CALN1: variants seen among roughly 807,000 people sequenced by gnomAD.
CALN1 encodes calneuron 1, also known as calcium-binding protein 8.
CALN1 carries 17 observed loss-of-function variants against 30.6 expected under a neutral mutation model. That is an observed-to-expected ratio of 0.56 (90% CI 0.38 to 0.83). The LOEUF is 0.83. Among genes scored for constraint, CALN1 ranks in the 40% least tolerant of loss-of-function variants. The pLI is 0.00. For missense variants in CALN1, 291 were observed against 354.9 expected, an observed-to-expected ratio of 0.82 and a Z score of 1.45; for synonymous variants, 156 against 131.4, an observed-to-expected ratio of 1.19 and a Z score of -1.28.
chr7:72,346,918 G>A (rs1483667179), intron 2 of CALN1, among the ~76,000 whole-genome samples: 17 of 152,192 alleles, frequency 1.1e-4, no homozygotes. Context: ...ATTGGACACA[G>A]TAGAAGAGAT....
intron 3 of CALN1, among the ~76,000 whole-genome samples, chr7:72,125,910 C>G (rs1162253551): frequency 6.7e-6 from 1 of 150,276 alleles, no homozygotes; most frequent in East Asian, 2.0e-4. Flanking sequence ...TCAAGCGATT[C>G]TCCTCCCTCA....
At chr7:72,310,335 T>C (rs905819170) in intron 2 of CALN1, among the ~76,000 whole-genome samples, 2 of 150,192 alleles carry the variant, frequency 1.3e-5, no homozygotes, top group African/African-American at 4.9e-5. Context: ...AAGATACTTA[T>C]CACAGAGGCT....
At chr7:71,906,751 T>C (rs1327646314) in intron 5 of CALN1, among the ~76,000 whole-genome samples, 1 of 152,160 alleles carries the variant, frequency 6.6e-6, no homozygotes, top group Non-Finnish European at 1.5e-5. Context: ...GAAATAGATC[T>C]GGCATCCAGA....
intron 5 of CALN1, among the ~76,000 whole-genome samples, chr7:71,948,823 C>T (rs1787285286): frequency 1.3e-5 from 2 of 151,462 alleles, no homozygotes; most frequent in African/African-American, 4.8e-5. Flanking sequence ...GGGATGACTG[C>T]TTGAACCCAG....
chr7:72,333,593 G>A (rs1018661591), intron 2 of CALN1, among the ~76,000 whole-genome samples: 1 of 151,698 alleles, frequency 6.6e-6, no homozygotes, highest in Non-Finnish European at 1.5e-5. Flanking sequence ...ACTGCTTAAT[G>A]GTTCTCAATC....
At chr7:71,969,626 T>C (rs563008338) in intron 5 of CALN1, among the ~76,000 whole-genome samples, 5 of 152,276 alleles carry the variant, frequency 3.3e-5, no homozygotes, top group African/African-American at 4.8e-5. Flanking sequence ...GATCTGAACA[T>C]AGCATTATCA....
At chr7:72,193,192 AAAAAG>A (rs67566586) in intron 3 of CALN1, among the ~76,000 whole-genome samples, 74,022 of 149,506 alleles carry the variant, frequency 0.5, 21,616 homozygotes, top group Non-Finnish European at 0.68. Flanking sequence ...CATCTCAAAA[AAAAAG>A]AAAAGAGAAA....
At chr7:72,081,451 CTT>C (rs1805139869) in intron 4 of CALN1, among the ~76,000 whole-genome samples, 2 of 47,230 alleles carry the variant, frequency 4.2e-5, no homozygotes, top group Admixed American at 5.0e-4. Flanking sequence ...TGTTTTTTTT[CTT>C]TGAGACAGAA....
intron 4 of CALN1, among the ~76,000 whole-genome samples, chr7:72,027,795 C>T (rs1366794714): frequency 2.0e-5 from 3 of 150,332 alleles, no homozygotes; most frequent in South Asian, 4.3e-4. Flanking sequence ...CGGTGGCTCA[C>T]GCCTGTAATC....
At chr7:72,289,728 A>T (rs1798343650) in intron 2 of CALN1, among the ~76,000 whole-genome samples, 1 of 152,184 alleles carries the variant, frequency 6.6e-6, no homozygotes, top group Non-Finnish European at 1.5e-5. Flanking sequence ...TTAGGAAGTG[A>T]TGAATTTTAA....
At chr7:72,271,420 TTC>T (rs1271607177) in intron 3 of CALN1, among the ~76,000 whole-genome samples, 2 of 151,624 alleles carry the variant, frequency 1.3e-5, no homozygotes, top group Admixed American at 6.6e-5. Flanking sequence ...CTTATAATAT[TTC>T]TTTTTGTTTT....
At chr7:72,364,516 T>C (rs552115505) in intron 2 of CALN1, among the ~76,000 whole-genome samples, 1 of 152,316 alleles carries the variant, frequency 6.6e-6, no homozygotes, top group East Asian at 1.9e-4. Context: ...GAGTTTTGTG[T>C]CTCTCTCTCT....
intron 3 of CALN1, among the ~76,000 whole-genome samples, chr7:72,107,586 T>C (rs958551873): frequency 2.0e-5 from 3 of 152,136 alleles, no homozygotes; most frequent in Non-Finnish European, 4.4e-5. Context: ...AGTCCTGGAT[T>C]GGATGTATAA....
chr7:71,830,536 TG>T (rs1211192773), intron 5 of CALN1, among the ~76,000 whole-genome samples: 6 of 151,898 alleles, frequency 4.0e-5, no homozygotes, highest in Non-Finnish European at 4.4e-5. Context: ...TTAGTAGAGA[TG>T]GGGTTTCACT....
intron 5 of CALN1, among the ~76,000 whole-genome samples, chr7:71,919,600 G>A (rs1794837227): frequency 1.3e-5 from 2 of 152,208 alleles, no homozygotes; most frequent in Admixed American, 6.5e-5. Context: ...AAGAGACACT[G>A]TGAGTATGGA....
At chr7:72,164,519 G>A (rs1313871180) in intron 3 of CALN1, among the ~76,000 whole-genome samples, 1 of 152,146 alleles carries the variant, frequency 6.6e-6, no homozygotes, top group Admixed American at 6.6e-5. Flanking sequence ...CGTTCTCCCT[G>A]CAGGTGTTAG....
chr7:72,411,856 C>G (rs764136259), intron 1 of CALN1, among the ~76,000 whole-genome samples: 2 of 152,270 alleles, frequency 1.3e-5, no homozygotes, highest in Non-Finnish European at 2.9e-5. Flanking sequence ...AGATTATATT[C>G]CAGGATAACC....
At chr7:72,398,549 G>A (rs530476862) in intron 2 of CALN1, among the ~76,000 whole-genome samples, 2 of 152,340 alleles carry the variant, frequency 1.3e-5, no homozygotes, top group East Asian at 3.9e-4. Context: ...CATAGTGGTA[G>A]GGTTATTTAG....
In CALN1 at chr7:71,893,188, G is replaced by C. The variant is rs556128842; in HGVS notation, c.502-82696C>G. Among the ~76,000 whole-genome samples, 309 of 152,276 alleles carry C rather than the reference G, an allele frequency of 2.0e-3. 4 individuals carry two copies. The highest frequency in any genetic ancestry group is 1.7e-3 in the Non-Finnish European group (118 of 68,024). The stretch of plus-strand genomic sequence containing the variant: ...CAGGGGACATTTAGCAATGTCTAGA[G>C]ATATTTTTGGTTGTTTACCACTTGG... On this transcript the variant is annotated intron_variant, in intron 5 of 6. Coordinates refer to ENST00000395275, the MANE Select transcript of CALN1 (RefSeq NM_031468.4).
Sources: allele counts gnomAD v4.1 joint callset (sites outside exome capture counted in the v4.1 genomes callset), GRCh38; gene constraint gnomAD v4.1.1; transcripts MANE v1.5; gene names NCBI Gene and HGNC (gene_info 2026-07-23, HGNC 2026-07-21).